The following DSCAM variants were observed in gnomAD, a reference collection of about 807,000 sequenced individuals.
DSCAM encodes the protein DS cell adhesion molecule.
Under a neutral mutation model 217.7 loss-of-function variants are expected in DSCAM, and 47 were observed. The ratio of observed to expected loss-of-function variants is 0.22; its 90% CI spans 0.17 to 0.28. DSCAM has a LOEUF of 0.28. DSCAM is among the 10% of genes least tolerant of loss of function. The pLI, the probability that DSCAM is intolerant of heterozygous loss-of-function variation, is 1.00. For missense variants in DSCAM, 2,080 were observed against 2,618.3 expected (o/e 0.79, Z 4.49); for synonymous variants, 1,056 against 1,015.3 (o/e 1.04, Z -0.76).
At chr21:40,369,342 G>A in intron 3 of DSCAM, 97 bp from the exon 4 acceptor site, 2 of 1,275,118 alleles carry the variant, frequency 1.6e-6, no homozygotes, top group Non-Finnish European at 2.1e-6. Flanking sequence ...TCCCCCACCT[G>A]AAGAAACTTA....
At chr21:40,091,345 T>C (rs1329569657) in intron 21 of DSCAM, among the ~76,000 whole-genome samples, 1 of 152,082 alleles carries the variant, frequency 6.6e-6, no homozygotes, top group Non-Finnish European at 1.5e-5. Flanking sequence ...CAGGTCCCTG[T>C]CTTCCTTCCC....
intron 9 of DSCAM, among the ~76,000 whole-genome samples, chr21:40,297,034 A>G (rs1444147791): frequency 1.3e-5 from 2 of 152,114 alleles, no homozygotes; most frequent in Non-Finnish European, 2.9e-5. Context: ...ACTTTTCCCA[A>G]AATTCTGGTG....
At chr21:40,024,922 TGA>T (rs1449284893) in intron 32 of DSCAM, among the ~76,000 whole-genome samples, 2 of 87,102 alleles carry the variant, frequency 2.3e-5, no homozygotes, top group Admixed American at 2.7e-4. Flanking sequence ...ATAGGAGTGG[TGA>T]GAGAGGGCAT....
intron 3 of DSCAM, among the ~76,000 whole-genome samples, chr21:40,690,471 T>C (rs1301290330): frequency 6.6e-6 from 1 of 152,224 alleles, no homozygotes; most frequent in East Asian, 1.9e-4. Context: ...CTTAATAAGA[T>C]AAACACCTGT....
intron 4 of DSCAM, among the ~76,000 whole-genome samples, chr21:40,357,276 A>G (rs1042047512): frequency 6.6e-6 from 1 of 152,240 alleles, no homozygotes; most frequent in African/African-American, 2.4e-5. Flanking sequence ...TTGAAGATCA[A>G]GTTATGTTCC....
intron 5 of DSCAM, 97 bp from the exon 6 acceptor site, chr21:40,348,042 G>A (rs780359968): frequency 3.5e-5 from 46 of 1,326,770 alleles, no homozygotes; most frequent in Admixed American, 1.2e-4. Flanking sequence ...AGTGCATCAC[G>A]CAATCATACT....
chr21:40,807,547 C>T (rs1269003779), intron 1 of DSCAM, among the ~76,000 whole-genome samples: 1 of 152,174 alleles, frequency 6.6e-6, no homozygotes, highest in African/African-American at 2.4e-5. Context: ...GACCTGTTCC[C>T]TCCTGATCAG....
chr21:40,377,427 A>AAATTTAAC (rs2074974434), intron 3 of DSCAM, among the ~76,000 whole-genome samples: 2 of 152,256 alleles, frequency 1.3e-5, no homozygotes, highest in Middle Eastern at 3.4e-3. Context: ...GCACAGAAAG[A>AAATTTAAC]AATTTAACCT....
At chr21:40,668,996 C>T (rs1427469091) in intron 3 of DSCAM, among the ~76,000 whole-genome samples, 1 of 152,196 alleles carries the variant, frequency 6.6e-6, no homozygotes, top group East Asian at 1.9e-4. Context: ...CACACACACA[C>T]ACCAGATAAT....
chr21:40,355,134 A>T (rs921424788), intron 4 of DSCAM, among the ~76,000 whole-genome samples: 2 of 152,112 alleles, frequency 1.3e-5, no homozygotes, highest in African/African-American at 4.8e-5. Flanking sequence ...AAGATAATTT[A>T]GTTTGTAATA....
rs546744659 is a variant in DSCAM at position 40,634,518 on chromosome 21, T to A, written c.508+58292A>T. Among the ~76,000 whole-genome samples the A allele has an allele frequency of 4.6e-5, 7 of 152,330 alleles. No individual in the cohort carries two copies. The East Asian group carries it at 1.3e-3, about 29-fold the overall frequency. Reference sequence around the variant, plus strand: ...TTTCCCTCATCTCTTCACATTTCTATGGGGACCCACAGCTCAGATGCAACA... The same window carrying A: ...TTTCCCTCATCTCTTCACATTTCTAAGGGGACCCACAGCTCAGATGCAACA... On this transcript the variant is annotated intron_variant, in intron 3 of 32. Coordinates refer to ENST00000400454, the MANE Select transcript of DSCAM (RefSeq NM_001389.5).
chr21:40,156,283 AAGACAGAGAGAGAGAG>A lies in DSCAM; in HGVS notation c.3018+10919_3018+10934del, dbSNP rs1369533361. ...AGGTGGAAGCTGTGACAGTCAAACT[AAGACAGAGAGAGAGAG>A]AGAGAGAGAGAGAGAGAGAGAGAGA... is the stretch of plus-strand genomic sequence containing the variant. On this transcript the variant is annotated intron_variant, in intron 16 of 32. Coordinates refer to ENST00000400454, the MANE Select transcript of DSCAM (RefSeq NM_001389.5). 3.9e-3 allele frequency among the ~76,000 whole-genome samples: 333 copies of A among 86,248 alleles called. 5 individuals are homozygous for A. Among genetic ancestry groups the A allele is most frequent in the African/African-American group, 0.012 (312 of 25,900 alleles). The allele number at this position is 86,248 out of a possible 152,430, so 56.6% of individuals were successfully genotyped here.
intron 11 of DSCAM, among the ~76,000 whole-genome samples, chr21:40,225,697 C>G (rs1286669312): frequency 2.6e-5 from 4 of 152,108 alleles, no homozygotes; most frequent in African/African-American, 9.7e-5. Context: ...CCTATCCCTA[C>G]CTATTACCGC....
intron 16 of DSCAM, among the ~76,000 whole-genome samples, chr21:40,165,031 G>A (rs2090579214): frequency 6.6e-6 from 1 of 152,094 alleles, no homozygotes. Flanking sequence ...TTTACCCTGT[G>A]TCTCTGTACT....
intron 3 of DSCAM, among the ~76,000 whole-genome samples, chr21:40,428,695 C>T (rs2075500648): frequency 6.6e-6 from 1 of 152,034 alleles, no homozygotes; most frequent in African/African-American, 2.4e-5. Flanking sequence ...TTACTAATTC[C>T]CTCTAGAGCA....
chr21:40,226,753 AATTTTT>A (rs1188764381), intron 11 of DSCAM, among the ~76,000 whole-genome samples: 1 of 152,154 alleles, frequency 6.6e-6, no homozygotes, highest in Non-Finnish European at 1.5e-5. Flanking sequence ...CATTTTTTAA[AATTTTT>A]ATTTTAAGTT....
chr21:40,134,240 C>T (rs118063890), intron 18 of DSCAM, among the ~76,000 whole-genome samples: 3,323 of 152,146 alleles, frequency 0.022, 65 homozygotes, highest in Middle Eastern at 0.066. Context: ...CAAGGCAGAA[C>T]GTTGGTCTGG....
At chr21:40,369,040 C>T in intron 4 of DSCAM, 59 bp downstream of exon 4, 1 of 1,503,914 alleles carries the variant, frequency 6.6e-7, no homozygotes, top group South Asian at 1.5e-5. Context: ...ATTGAGTCGT[C>T]TCAGGACACT....
At chr21:40,493,044 A>C (rs8130431) in intron 3 of DSCAM, among the ~76,000 whole-genome samples, 104,403 of 152,024 alleles carry the variant, frequency 0.69, 37,364 homozygotes, top group African/African-American at 0.91. Flanking sequence ...GATTCCTCAG[A>C]AGAAACCTTA....
Sources: allele counts gnomAD v4.1 joint callset (sites outside exome capture counted in the v4.1 genomes callset), GRCh38; gene constraint gnomAD v4.1.1; transcripts MANE v1.5; gene names NCBI Gene and HGNC (gene_info 2026-07-23, HGNC 2026-07-21).